The following LATS2 variants were observed in gnomAD, a reference collection of about 807,000 sequenced individuals.
LATS2 encodes large tumor suppressor kinase 2, also known as serine/threonine-protein kinase LATS2.
In LATS2, 24 loss-of-function variants were observed where a neutral mutation model predicts 76.0. That is an observed-to-expected ratio of 0.32 (90% CI 0.23 to 0.44). The LOEUF is 0.44. Ranked by LOEUF, LATS2 falls within the 20% of genes least tolerant of loss-of-function variation. LATS2 has a pLI of 1.00. For synonymous variants in LATS2, 692 were observed against 635.4 expected, an observed-to-expected ratio of 1.09 and a Z score of -1.34; for missense variants, 1,286 against 1,481.2, an observed-to-expected ratio of 0.87 and a Z score of 2.16.
At chr13:21,008,145 G>T (rs368927673) in intron 2 of LATS2, among the ~76,000 whole-genome samples, 1 of 152,130 alleles carries the variant, frequency 6.6e-6, no homozygotes, top group African/African-American at 2.4e-5. Flanking sequence ...TGACAGGCCA[G>T]TAGGATGGCA....
Position 20,973,980 on chromosome 13 carries a change from C to CA in LATS2, c.*889_*890insT, listed in dbSNP as rs1555348753. On this transcript the variant is annotated 3_prime_UTR_variant, in exon 8 of 8. Transcript: ENST00000382592. ...TGACAAATGTTTCAGTTCCCCCCCC[C>CA]CAAAGAATCCAATCACAACCAAGAC... 7.4e-5 allele frequency: 15 copies of CA among 201,820 alleles called. No individual in the cohort carries two copies. Among genetic ancestry groups the CA allele is most frequent in the Non-Finnish European group, 1.1e-4 (11 of 101,766 alleles). 12.5% of individuals were successfully genotyped at this position (201,820 alleles called of 1,614,324 possible). A position where few individuals can be genotyped will look rare whatever the true frequency, so the allele number is the denominator to read the frequency against.
rs753361598 is a variant in LATS2, at chr13:20,981,585, C to T, written c.2546G>A (p.Arg849Gln). The T allele has an allele frequency of 3.7e-5, 60 of 1,614,040 alleles. No individual in the cohort carries two copies. The highest frequency in any genetic ancestry group is 3.5e-4 in the South Asian group (32 of 91,090). The change falls in exon 6 of 8, where the codon CGG becomes CAG. Residue 849 changes from arginine (R) to glutamine (Q), a missense_variant. Coordinates refer to ENST00000382592, the MANE Select transcript of LATS2 (RefSeq NM_014572.3). ...SDLWDDVSNCRCGDRLKTLEQ... is the reference protein window; with the variant it reads ...SDLWDDVSNCQCGDRLKTLEQ... The stretch of plus-strand genomic sequence containing the variant: ...TAGGGTCTTCAGCCTGTCCCCACAC[C>T]GACAGTTAGACACATCATCCCAGAG...
chr13:20,987,847 G>C, intron 4 of LATS2, 34 bp downstream of exon 4: 1 of 1,596,500 alleles, frequency 6.3e-7, no homozygotes, highest in Non-Finnish European at 8.5e-7. Flanking sequence ...GGGATGAGCC[G>C]GGAACAAATA....
chr13:21,034,719 T>C (rs1178680114), intron 2 of LATS2, among the ~76,000 whole-genome samples: 1 of 142,882 alleles, frequency 7.0e-6, no homozygotes, highest in Non-Finnish European at 1.6e-5. Flanking sequence ...TTCTGACACC[T>C]GGGGCCGCTG....
chr13:20,979,951 A>G (rs1192671420), intron 6 of LATS2, among the ~76,000 whole-genome samples, 154 bp from the exon 7 acceptor site: 4 of 152,108 alleles, frequency 2.6e-5, no homozygotes, highest in Admixed American at 1.3e-4. Flanking sequence ...AAGTACCTGG[A>G]TACTACTGGG....
intron 2 of LATS2, among the ~76,000 whole-genome samples, chr13:21,043,091 T>G (rs988452321): frequency 2.1e-4 from 32 of 152,072 alleles, no homozygotes; most frequent in African/African-American, 7.2e-4. Context: ...CCCAGCACCT[T>G]GGGAGGCCGA....
chr13:20,998,838 C>A (rs1454063320), intron 2 of LATS2, among the ~76,000 whole-genome samples: 1 of 152,162 alleles, frequency 6.6e-6, no homozygotes, highest in Non-Finnish European at 1.5e-5. Context: ...ACATTGTGCA[C>A]GCCGGGTGGG....
chr13:21,051,820 G>A (rs2064961805), intron 1 of LATS2, among the ~76,000 whole-genome samples: 1 of 152,110 alleles, frequency 6.6e-6, no homozygotes, highest in African/African-American at 2.4e-5. Flanking sequence ...TTAACCAGGT[G>A]TGGAGGCACA....
intron 2 of LATS2, among the ~76,000 whole-genome samples, chr13:21,022,340 A>G (rs1872100694): frequency 6.6e-6 from 1 of 152,146 alleles, no homozygotes; most frequent in African/African-American, 2.4e-5. Flanking sequence ...AAGTGCATGT[A>G]CTGAGTCAGG....
intron 1 of LATS2, among the ~76,000 whole-genome samples, chr13:21,057,341 T>C (rs1338866268): frequency 6.6e-6 from 1 of 152,228 alleles, no homozygotes; most frequent in African/African-American, 2.4e-5. Flanking sequence ...TATTTGTGAA[T>C]TAACTTAAAA....
intron 2 of LATS2, among the ~76,000 whole-genome samples, chr13:21,033,124 A>G (rs979905103): frequency 6.7e-6 from 1 of 149,758 alleles, no homozygotes; most frequent in Non-Finnish European, 1.5e-5. Flanking sequence ...ACTTAAGAGA[A>G]AAAAAAAAAA....
chr13:21,005,889 G>A (rs888306778), intron 2 of LATS2, among the ~76,000 whole-genome samples: 1 of 151,926 alleles, frequency 6.6e-6, no homozygotes, highest in African/African-American at 2.4e-5. Context: ...CGAGGTTGGT[G>A]GATCACCTGA....
chr13:21,051,003 A>G (rs994451439), intron 1 of LATS2, among the ~76,000 whole-genome samples: 1 of 152,224 alleles, frequency 6.6e-6, no homozygotes, highest in Non-Finnish European at 1.5e-5. Flanking sequence ...GAGGCATAGG[A>G]GAGAAAGAAA....
At position 20,991,529 on chromosome 13, in the gene LATS2, G is replaced by T; in HGVS notation, c.343-125C>A. The T allele has an allele frequency of 9.3e-7, 1 of 1,070,266 alleles. No individual in the cohort carries two copies. The highest frequency in any genetic ancestry group is 1.4e-6 in the Non-Finnish European group (1 of 738,924). 66.3% of individuals were successfully genotyped at this position (1,070,266 alleles called of 1,614,324 possible). On this transcript the variant is annotated intron_variant, in intron 2 of 7. Transcript: ENST00000382592. This position sits in a 1 kb window ranked among gnomAD's most constrained non-coding sequence, Gnocchi z 4.9. Reference sequence around the variant, plus strand: ...CGCCTCTGTACTGCTGAGAACCTGCGATATGCTGCAGGAGACCCTCAGAAT... The same window carrying T: ...CGCCTCTGTACTGCTGAGAACCTGCTATATGCTGCAGGAGACCCTCAGAAT...
chr13:21,009,209 A>G (rs191222544), intron 2 of LATS2, among the ~76,000 whole-genome samples: 3 of 152,370 alleles, frequency 2.0e-5, no homozygotes, highest in Non-Finnish European at 4.4e-5. Flanking sequence ...GCAGATGTGC[A>G]AAGGTACAGC....
chr13:21,045,060 A>G (rs1360510715), intron 2 of LATS2, among the ~76,000 whole-genome samples: 1 of 152,008 alleles, frequency 6.6e-6, no homozygotes, highest in East Asian at 1.9e-4. Flanking sequence ...AACTGGTGCC[A>G]CCTCCACTAA....
At chr13:21,013,876 TG>T (rs1372496009) in intron 2 of LATS2, among the ~76,000 whole-genome samples, 7 of 151,942 alleles carry the variant, frequency 4.6e-5, no homozygotes, top group Non-Finnish European at 7.4e-5. Flanking sequence ...GAGGCTAAGA[TG>T]GGAGGATCGC....
chr13:20,981,658 G>A lies in LATS2; in HGVS notation c.2483-10C>T. 3 of 1,584,888 alleles carry A rather than the reference G, an allele frequency of 1.9e-6. No homozygotes were observed. Among genetic ancestry groups the A allele is most frequent in the Non-Finnish European group, 2.6e-6 (3 of 1,167,106 alleles). On this transcript the variant is annotated splice_polypyrimidine_tract_variant and intron_variant, in intron 5 of 7. Coordinates refer to ENST00000382592, the MANE Select transcript of LATS2 (RefSeq NM_014572.3). ...TGTCTGACATGGCTCCCTTCACCCA[G>A]GAATCAGGGATAGTGAAAGAAAAGA...
intron 2 of LATS2, chr13:21,023,011 G>A (rs1481685838): frequency 1.3e-5 from 2 of 152,224 alleles, no homozygotes; most frequent in Non-Finnish European, 2.9e-5. Context: ...AGGGGGTGTG[G>A]GGGAAGCCAC....
Sources: allele counts gnomAD v4.1 joint callset (sites outside exome capture counted in the v4.1 genomes callset), GRCh38; gene constraint gnomAD v4.1.1; non-coding constraint Gnocchi (gnomAD v3.1); transcripts MANE v1.5; gene names NCBI Gene and HGNC (gene_info 2026-07-23, HGNC 2026-07-21).